SERPINA9: variants seen among roughly 807,000 people sequenced by gnomAD.
The protein encoded by SERPINA9 is serpin family A member 9, also known as serpin A9.
Under a neutral mutation model 24.5 loss-of-function variants are expected in SERPINA9, and 32 were observed. The observed-to-expected ratio is 1.30, with a 90% CI of 0.98 to 1.75. SERPINA9 has a LOEUF of 1.75. Among genes scored for constraint, SERPINA9 ranks in the 40% most tolerant of loss-of-function variants. SERPINA9 has a pLI of 0.00. For synonymous variants in SERPINA9, 233 were observed against 197.7 expected, an observed-to-expected ratio of 1.18 and a Z score of -1.50; for missense variants, 594 against 497.1, an observed-to-expected ratio of 1.19 and a Z score of -1.85.
chr14:94,471,510 T>C (rs962109659), intron 1 of SERPINA9, among the ~76,000 whole-genome samples: 1 of 152,230 alleles, frequency 6.6e-6, no homozygotes, highest in South Asian at 2.1e-4. Flanking sequence ...TGGAACTTTA[T>C]AAAGAACCCT....
At chr14:94,467,038 C>A in intron 3 of SERPINA9, 71 bp downstream of exon 3, 1 of 1,523,166 alleles carries the variant, frequency 6.6e-7, no homozygotes. Context: ...GCTGTTAGCA[C>A]AATCTCTCCC....
chr14:94,469,557 A>G lies in SERPINA9; in HGVS notation c.284T>C (p.Leu95Pro). The G allele has an allele frequency of 1.2e-6, 2 of 1,614,112 alleles. No homozygotes were observed. Among genetic ancestry groups the G allele is most frequent in the Non-Finnish European group, 1.7e-6 (2 of 1,180,018 alleles). ...TGTGAGGTTGAAGCCCAGGCCCTGG[A>G]GAATCTGGGTCTTGGTGACTGAGTG... ...GAHSVTKTQI[L>P]QGLGFNLTHT... The change falls in exon 2 of 5, where the codon CTC (leucine) becomes CCC (proline). Residue 95 changes from leucine (L) to proline (P), a missense_variant. By Grantham distance (98) the Leu-to-Pro change is moderately conservative. Transcript: ENST00000674397.
chr14:94,466,210 T>A (rs192667823), intron 3 of SERPINA9, among the ~76,000 whole-genome samples: 6 of 152,194 alleles, frequency 3.9e-5, no homozygotes, highest in African/African-American at 1.4e-4. Context: ...TAACTTTGAG[T>A]TTTTGCCAGT....
Position 94,467,266 on chromosome 14 carries a change from C to T in SERPINA9, c.745G>A (p.Gly249Arg), listed in dbSNP as rs1312909677. 6.2e-7 allele frequency: 1 copy of T among 1,614,154 alleles called. No individual in the cohort carries two copies. The highest frequency in any genetic ancestry group is 1.7e-5 in the Admixed American group (1 of 60,020). Reference protein sequence around the residue: ...MMHQKEQFAFGVDTELNCFVL... With the variant: ...MMHQKEQFAFRVDTELNCFVL... ...AAGCAGTTCAGCTCTGTATCCACCCCAAAAGCGAACTGCTCTTTCTGGTGC... is the reference window on the plus strand; with the variant it reads ...AAGCAGTTCAGCTCTGTATCCACCCTAAAAGCGAACTGCTCTTTCTGGTGC... Residue 249 changes from glycine (G) to arginine (R), a missense_variant, in exon 3 of 5, where the codon GGG becomes AGG. By Grantham distance (125) the Gly-to-Arg change is moderately radical. Coordinates refer to ENST00000674397, the MANE Select transcript of SERPINA9 (RefSeq NM_175739.4).
intron 2 of SERPINA9, among the ~76,000 whole-genome samples, chr14:94,468,567 T>A (rs1258678453): frequency 6.6e-6 from 1 of 152,202 alleles, no homozygotes; most frequent in Non-Finnish European, 1.5e-5. Context: ...GGTAAATCTT[T>A]TAGAGACACA....
At chr14:94,475,523 T>G (rs531407273) in intron 1 of SERPINA9, among the ~76,000 whole-genome samples, 1 of 152,062 alleles carries the variant, frequency 6.6e-6, no homozygotes, top group Admixed American at 6.5e-5. Context: ...AAAGGAATTG[T>G]CTCAACTTCC....
At chr14:94,469,895 AG>A in intron 1 of SERPINA9, 38 bp from the exon 2 acceptor site, 2 of 1,482,232 alleles carry the variant, frequency 1.3e-6, no homozygotes, top group Non-Finnish European at 1.8e-6. Context: ...GGGTAAACTG[AG>A]GGTCCAGGCC....
At chr14:94,466,994 T>C in intron 3 of SERPINA9, 115 bp downstream of exon 3, 1 of 1,180,168 alleles carries the variant, frequency 8.5e-7, no homozygotes, top group Non-Finnish European at 1.2e-6. Context: ...CTGCATGCAG[T>C]TGGTGCTCAC....
chr14:94,471,366 A>G (rs1461539950), intron 1 of SERPINA9, among the ~76,000 whole-genome samples: 2 of 152,210 alleles, frequency 1.3e-5, no homozygotes, highest in East Asian at 1.9e-4. Context: ...AGCGACAAAA[A>G]TATTGCCACA....
chr14:94,472,323 T>G (rs1381377239), intron 1 of SERPINA9, among the ~76,000 whole-genome samples: 1 of 152,182 alleles, frequency 6.6e-6, no homozygotes, highest in Non-Finnish European at 1.5e-5. Context: ...CCTTTGCTAA[T>G]GGAAAAGCCC....
rs765652572 is a variant in SERPINA9, at chr14:94,463,225, G to C, written c.1122C>G (p.Phe374Leu). The C allele has an allele frequency of 1.9e-6, 3 of 1,614,096 alleles. No homozygotes were observed. The African/African-American group carries it at 4.0e-5, about 22-fold the overall frequency. ...AGGGGCCATCCTTCGATCGGACTATGAACTTGGTGGTGGTAGCTGCTGTGG... is the reference window on the plus strand; with the variant it reads ...AGGGGCCATCCTTCGATCGGACTATCAACTTGGTGGTGGTAGCTGCTGTGG... Reference protein sequence around the residue: ...TEATAATTTKFIVRSKDGPSY... With the variant: ...TEATAATTTKLIVRSKDGPSY... The change falls in exon 5 of 5, where the codon TTC becomes TTG. Residue 374 changes from phenylalanine (F) to leucine (L), a missense_variant. Transcript: ENST00000674397.
At chr14:94,464,469 T>A (rs1898897684) in intron 4 of SERPINA9, 3 of 553,334 alleles carry the variant, frequency 5.4e-6, no homozygotes, top group East Asian at 3.0e-5. Flanking sequence ...GCAGCAGGCA[T>A]GGGGGAGCAC....
intron 1 of SERPINA9, among the ~76,000 whole-genome samples, chr14:94,473,452 GA>G (rs1899424468): frequency 6.7e-6 from 1 of 149,154 alleles, no homozygotes; most frequent in Admixed American, 6.8e-5. Flanking sequence ...CCGGGAGGCG[GA>G]AGTTGCAGTG....
At chr14:94,474,004 T>G (rs568868646) in intron 1 of SERPINA9, among the ~76,000 whole-genome samples, 2 of 152,256 alleles carry the variant, frequency 1.3e-5, no homozygotes, top group South Asian at 4.1e-4. Context: ...GCATCTCTCT[T>G]GTGGCTCTTA....
chr14:94,473,413 G>A (rs531972475), intron 1 of SERPINA9, among the ~76,000 whole-genome samples: 225 of 151,934 alleles, frequency 1.5e-3, no homozygotes, highest in Middle Eastern at 3.4e-3. Flanking sequence ...CAGCTACTCC[G>A]GAGGCTGAGA....
chr14:94,467,130 C>T lies in SERPINA9; in HGVS notation c.881G>A (p.Trp294Ter), dbSNP rs758462587. 30 of 1,613,946 alleles carry T rather than the reference C, an allele frequency of 1.9e-5. 1 individual carries two copies. In the Admixed American group the frequency reaches 4.7e-4, roughly 25 times the overall value. Residue 294 changes from tryptophan (W) to a stop codon, truncating the protein, a stop_gained, in exon 3 of 5, where the codon TGG becomes TAG. Coordinates refer to ENST00000674397, the MANE Select transcript of SERPINA9 (RefSeq NM_175739.4). LOFTEE classifies it high-confidence loss of function. ...QALSARTLRKWSHSLQKRWIE... is the reference protein window; with the variant it reads ...QALSARTLRK ...CCACCTTTTCTGGAGTGAGTGGCTC[C>T]ACTTTCTCAGTGTTCTGGCTGACAA...
chr14:94,463,288 G>A lies in SERPINA9; in HGVS notation c.1059C>T (p.His353=), dbSNP rs186562996. The A allele has an allele frequency of 3.1e-6, 5 of 1,614,028 alleles. No homozygotes were observed. In the African/African-American group the frequency reaches 6.7e-5, roughly 22 times the overall value. The part of the protein sequence containing the change: ...RDSLQVSKAT[H]KAVLDVSEEG... ...CTTCACTGACATCCAGCACAGCCTT[G>A]TGGGTTGCCTGCCAAGGGAAAAACA... The change falls in exon 5 of 5, where the codon CAC becomes CAT. Residue 353 remains histidine (H), a synonymous_variant. Transcript: ENST00000674397.
chr14:94,471,691 C>A (rs17752593), intron 1 of SERPINA9, among the ~76,000 whole-genome samples: 13,293 of 152,164 alleles, frequency 0.087, 782 homozygotes, highest in Non-Finnish European at 0.13. Flanking sequence ...CTTTGCCAAC[C>A]TGTTCTGAAC....
At chr14:94,471,204 G>C (rs1409808440) in intron 1 of SERPINA9, among the ~76,000 whole-genome samples, 3 of 151,496 alleles carry the variant, frequency 2.0e-5, no homozygotes, top group African/African-American at 7.3e-5. Flanking sequence ...GTGAATGGCT[G>C]CCACCAACTC....
Sources: allele counts gnomAD v4.1 joint callset (sites outside exome capture counted in the v4.1 genomes callset), GRCh38; gene constraint gnomAD v4.1.1; transcripts MANE v1.5; gene names NCBI Gene and HGNC (gene_info 2026-07-23, HGNC 2026-07-21).